The following PDS5A variants were observed in gnomAD, a reference collection of about 807,000 sequenced individuals.
The protein encoded by PDS5A is PDS5 cohesin associated factor A.
PDS5A carries 42 observed loss-of-function variants against 167.1 expected under a neutral mutation model. The ratio of observed to expected loss-of-function variants is 0.25; its 90% CI spans 0.20 to 0.33. The LOEUF is 0.33. Ranked by LOEUF, PDS5A falls within the 10% of genes least tolerant of loss-of-function variation. The pLI, the probability that PDS5A is intolerant of heterozygous loss-of-function variation, is 1.00. For missense variants in PDS5A, 1,033 were observed against 1,605.9 expected, an observed-to-expected ratio of 0.64 and a Z score of 6.10; for synonymous variants, 553 against 554.6, an observed-to-expected ratio of 1.00 and a Z score of 0.04.
In PDS5A at chr4:39,930,255, G is replaced by GTTTTTT. The variant is rs1421768439; in HGVS notation, c.139-2097_139-2092dup. 1.4e-3 allele frequency among the ~76,000 whole-genome samples: 112 copies of GTTTTTT among 80,496 alleles called. 3 individuals carry two copies. The highest frequency in any genetic ancestry group is 1.9e-3 in the Non-Finnish European group (76 of 39,750). The allele number at this position is 80,496 out of a possible 152,430, so 52.8% of individuals were successfully genotyped here. A position where few individuals can be genotyped will look rare whatever the true frequency, so the allele number is the denominator to read the frequency against. ...AAAAAAAAAAAAAAAAAGTTTTTTT[G>GTTTTTT]TTTTTTGTTTTTTTTTTTTAAGAGA... On this transcript the variant is annotated intron_variant, in intron 2 of 32. Coordinates refer to ENST00000303538, the MANE Select transcript of PDS5A (RefSeq NM_001100399.2).
At chr4:39,941,222 G>T (rs1727196021) in intron 2 of PDS5A, among the ~76,000 whole-genome samples, 1 of 152,126 alleles carries the variant, frequency 6.6e-6, no homozygotes, top group Non-Finnish European at 1.5e-5. Context: ...TGTAGTCCTA[G>T]AGTCTACAAA....
chr4:39,864,778 A>T (rs1348109711), intron 23 of PDS5A, among the ~76,000 whole-genome samples: 1 of 152,218 alleles, frequency 6.6e-6, no homozygotes, highest in African/African-American at 2.4e-5. Context: ...AACACTTTAT[A>T]GGCTTTATCT....
intron 4 of PDS5A, 96 bp downstream of exon 4, chr4:39,926,679 T>G: frequency 1.1e-6 from 1 of 871,642 alleles, no homozygotes; most frequent in Non-Finnish European, 1.6e-6. Context: ...AGGCTTTGAA[T>G]AAAATAAACA....
intron 31 of PDS5A, among the ~76,000 whole-genome samples, chr4:39,838,702 G>A (rs1380313912): frequency 1.3e-5 from 2 of 151,494 alleles, no homozygotes; most frequent in Non-Finnish European, 2.9e-5. Flanking sequence ...CAGCCTGGGT[G>A]ACAGAGGGAG....
chr4:39,881,857 G>A (rs1259426564), intron 17 of PDS5A, among the ~76,000 whole-genome samples: 1 of 152,204 alleles, frequency 6.6e-6, no homozygotes, highest in African/African-American at 2.4e-5. Flanking sequence ...CACATGCCAA[G>A]GGCGGGGCCA....
intron 9 of PDS5A, 51 bp from the exon 10 acceptor site, chr4:39,910,389 CTCAAA>C: frequency 1.1e-6 from 1 of 898,314 alleles, no homozygotes; most frequent in Non-Finnish European, 1.8e-6. Flanking sequence ...AATAATCACT[CTCAAA>C]TCAGGTATAT....
intron 11 of PDS5A, among the ~76,000 whole-genome samples, chr4:39,908,029 G>C (rs918761074): frequency 6.6e-6 from 1 of 152,186 alleles, no homozygotes; most frequent in Non-Finnish European, 1.5e-5. Context: ...GGCAGACCCA[G>C]CTAAGTTATT....
intron 2 of PDS5A, among the ~76,000 whole-genome samples, chr4:39,934,344 AATAAC>A (rs1726370015): frequency 6.6e-6 from 1 of 152,184 alleles, no homozygotes; most frequent in South Asian, 2.1e-4. Flanking sequence ...GTCTGCTTAA[AATAAC>A]ATAACTAAAG....
intron 31 of PDS5A, among the ~76,000 whole-genome samples, chr4:39,840,597 C>T (rs1053733302): frequency 6.6e-6 from 1 of 151,528 alleles, no homozygotes; most frequent in South Asian, 2.1e-4. Flanking sequence ...GTTTTCACCA[C>T]GTTGGCCAGG....
chr4:39,894,414 A>G (rs372131384), intron 16 of PDS5A, among the ~76,000 whole-genome samples: 9 of 152,052 alleles, frequency 5.9e-5, no homozygotes, highest in African/African-American at 1.9e-4. Context: ...TCTCAAAAAA[A>G]AAAGAAAAAA....
chr4:39,918,596 G>A (rs1215877570), intron 7 of PDS5A, among the ~76,000 whole-genome samples: 3 of 152,194 alleles, frequency 2.0e-5, no homozygotes, highest in Non-Finnish European at 4.4e-5. Flanking sequence ...GCTCACACCT[G>A]TAATCGCAGT....
intron 26 of PDS5A, among the ~76,000 whole-genome samples, chr4:39,854,053 G>A (rs1304724062): frequency 6.6e-6 from 1 of 152,200 alleles, no homozygotes; most frequent in Non-Finnish European, 1.5e-5. Context: ...TGTAATCCCA[G>A]CACTTTGGGA....
At chr4:39,881,937 T>C (rs895273050) in intron 17 of PDS5A, among the ~76,000 whole-genome samples, 49 of 152,252 alleles carry the variant, frequency 3.2e-4, no homozygotes, top group African/African-American at 1.2e-3. Context: ...TCTCAGGAGA[T>C]CTGATGGTTT....
At chr4:39,966,799 A>G (rs1730003634) in intron 2 of PDS5A, among the ~76,000 whole-genome samples, 1 of 151,954 alleles carries the variant, frequency 6.6e-6, no homozygotes, top group Admixed American at 6.6e-5. Context: ...GGGGTTCAAG[A>G]CCAGTCTGGC....
intron 2 of PDS5A, among the ~76,000 whole-genome samples, chr4:39,943,073 C>T (rs955667906): frequency 2.0e-5 from 3 of 151,414 alleles, no homozygotes; most frequent in African/African-American, 7.3e-5. Context: ...TTGACCAAGT[C>T]TGAGAACAGA....
Position 39,827,850 on chromosome 4 carries a change from T to C in PDS5A, c.4011-2362A>G, listed in dbSNP as rs137921404. On this transcript the variant is annotated intron_variant, in intron 32 of 32. Coordinates refer to ENST00000303538, the MANE Select transcript of PDS5A (RefSeq NM_001100399.2). The stretch of plus-strand genomic sequence containing the variant: ...GGGTTATTTTTCCATTGATGTTTAT[T>C]GACAAGCTCATCTTCAAGGAAGAAT... Among the ~76,000 whole-genome samples, 39 of 152,346 alleles carry C rather than the reference T, an allele frequency of 2.6e-4. No individual in the cohort carries two copies. The East Asian group carries it at 6.4e-3, about 25-fold the overall frequency.
chr4:39,889,537 T>C (rs1560457630), intron 17 of PDS5A, among the ~76,000 whole-genome samples: 1 of 152,226 alleles, frequency 6.6e-6, no homozygotes, highest in Non-Finnish European at 1.5e-5. Context: ...GCATAGTAAC[T>C]GAATATGGAA....
chr4:39,865,381 G>A (rs1334473876), intron 23 of PDS5A, among the ~76,000 whole-genome samples: 1 of 152,102 alleles, frequency 6.6e-6, no homozygotes, highest in Non-Finnish European at 1.5e-5. Context: ...GTTATAAAAG[G>A]CTGCCTTTGG....
At position 39,977,062 on chromosome 4, in the gene PDS5A, G is replaced by A. The variant is rs1350625545; in HGVS notation, c.-41+395C>T. ...TAGGCCGCAAAACTAGGGACCCAGCGGACCCACGCGCAGCGGCGGCTGCCG... is the reference window on the plus strand; with the variant it reads ...TAGGCCGCAAAACTAGGGACCCAGCAGACCCACGCGCAGCGGCGGCTGCCG... On this transcript the variant is annotated intron_variant, in intron 1 of 32. Coordinates refer to ENST00000303538, the MANE Select transcript of PDS5A (RefSeq NM_001100399.2). The surrounding 1 kb of genome is among the most constrained non-coding windows in gnomAD (Gnocchi z 4.2). 6.6e-6 allele frequency among the ~76,000 whole-genome samples: 1 copy of A among 152,142 alleles called. No homozygotes were observed. The highest frequency in any genetic ancestry group is 1.9e-4 in the East Asian group (1 of 5,174).
Sources: gnomAD v4.1 joint callset for allele counts (sites outside exome capture counted in the v4.1 genomes callset) on GRCh38, gnomAD v4.1.1 for gene constraint, Gnocchi (gnomAD v3.1) non-coding constraint, MANE v1.5 for transcripts, NCBI Gene and HGNC (gene_info 2026-07-23, HGNC 2026-07-21) for gene names.